FGF12: variants seen among roughly 807,000 people sequenced by gnomAD.
FGF12 encodes fibroblast growth factor 12B.
In FGF12, 14 loss-of-function variants were observed where a neutral mutation model predicts 23.6. The ratio of observed to expected loss-of-function variants is 0.59; its 90% confidence interval spans 0.39 to 0.93. The LOEUF (loss-of-function observed/expected upper bound fraction) is 0.93, where lower values mean the gene tolerates loss of function less well. Among genes scored for constraint, FGF12 ranks in the 40% least tolerant of loss-of-function variants. The pLI is 0.00. For synonymous variants in FGF12, 62 were observed against 77.3 expected, an observed-to-expected ratio of 0.80 and a Z score of 1.04; for missense variants, 175 against 217.8, an observed-to-expected ratio of 0.80 and a Z score of 1.24.
intron 2 of FGF12, among the ~76,000 whole-genome samples, chr3:192,381,965 T>C (rs946428425): frequency 6.6e-6 from 1 of 151,430 alleles, no homozygotes; most frequent in Non-Finnish European, 1.5e-5. Flanking sequence ...ATAGGACATA[T>C]AGGGAGTGTT....
chr3:192,287,595 A>G (rs1273836562), intron 4 of FGF12, among the ~76,000 whole-genome samples: 1 of 152,026 alleles, frequency 6.6e-6, no homozygotes, highest in Non-Finnish European at 1.5e-5. Flanking sequence ...CACTAACCCC[A>G]AAGTAGACTG....
intron 4 of FGF12, among the ~76,000 whole-genome samples, chr3:192,304,629 G>T (rs544968363): frequency 6.6e-6 from 1 of 151,960 alleles, no homozygotes; most frequent in Non-Finnish European, 1.5e-5. Context: ...TATAATTATC[G>T]CATATACCAT....
chr3:192,305,679 A>AAAAAAATAT lies in FGF12; in HGVS notation c.228+29681_228+29682insATATTTTTT, dbSNP rs1423738741. ...AAGGTGGCTTAGGAAAAAAAAAAAA[A>AAAAAAATAT]ATATATATATATATATAAATATATA... On this transcript the variant is annotated intron_variant, in intron 4 of 5. Transcript: ENST00000445105. 4.4e-3 allele frequency among the ~76,000 whole-genome samples: 586 copies of AAAAAAATAT among 131,890 alleles called. 3 individuals carry two copies. Among genetic ancestry groups the AAAAAAATAT allele is most frequent in the African/African-American group, 0.016 (548 of 33,900 alleles). 86.5% of individuals were successfully genotyped at this position (131,890 alleles called of 152,430 possible).
intron 4 of FGF12, among the ~76,000 whole-genome samples, chr3:192,324,172 T>C (rs1267773877): frequency 6.6e-6 from 1 of 151,974 alleles, no homozygotes; most frequent in Non-Finnish European, 1.5e-5. Context: ...CCCACAAAAC[T>C]TAAAATTAAA....
intron 2 of FGF12, among the ~76,000 whole-genome samples, chr3:192,425,238 T>C (rs1328972845): frequency 6.6e-6 from 1 of 152,194 alleles, no homozygotes; most frequent in Non-Finnish European, 1.5e-5. Flanking sequence ...ATGGACCTGA[T>C]ATTTTATGTA....
At position 192,723,808 on chromosome 3, in the gene FGF12, G is replaced by C. The variant is rs1462789758; in HGVS notation, c.13+3373C>G. ...GAGGCTGGAAATCTACCTAGACAAA[G>C]AAAAATGTGATATAGGTGGGGGTCA... On this transcript the variant is annotated intron_variant, in intron 2 of 5. Transcript: ENST00000445105. Among the ~76,000 whole-genome samples, 6 of 148,966 alleles carry C rather than the reference G, an allele frequency of 4.0e-5. No homozygotes were observed. The East Asian group carries it at 1.2e-3, about 30-fold the overall frequency.
intron 4 of FGF12, among the ~76,000 whole-genome samples, chr3:192,315,716 G>C (rs552752517): frequency 6.6e-6 from 1 of 152,280 alleles, no homozygotes; most frequent in African/African-American, 2.4e-5. Flanking sequence ...GCAAGAGAAA[G>C]CAGAACTAAT....
Position 192,621,452 on chromosome 3 carries a change from T to C in FGF12, c.13+105729A>G, listed in dbSNP as rs555952453. Among the ~76,000 whole-genome samples, 8 of 152,220 alleles carry C rather than the reference T, an allele frequency of 5.3e-5. No homozygotes were observed. In the East Asian group the frequency reaches 1.4e-3, roughly 26 times the overall value. On this transcript the variant is annotated intron_variant, in intron 2 of 5. Transcript: ENST00000445105. ...CGACAAGAGCCATTTGGAATTGAAG[T>C]TCTGCCACTGTGATCTTAGAGAAAA... is the stretch of plus-strand genomic sequence containing the variant.
At chr3:192,218,600 C>T (rs1333391682) in intron 4 of FGF12, among the ~76,000 whole-genome samples, 2 of 152,088 alleles carry the variant, frequency 1.3e-5, no homozygotes, top group Non-Finnish European at 2.9e-5. Flanking sequence ...TGAGGCCTCC[C>T]CAGAAGGAGA....
intron 2 of FGF12, among the ~76,000 whole-genome samples, chr3:192,589,267 G>A (rs1263873235): frequency 3.3e-5 from 5 of 149,606 alleles, no homozygotes; most frequent in Admixed American, 2.0e-4. Context: ...CCCAGGAGGC[G>A]AAGTTTGCAG....
chr3:192,627,788 T>C (rs549601543), intron 2 of FGF12, among the ~76,000 whole-genome samples: 1 of 152,232 alleles, frequency 6.6e-6, no homozygotes, highest in South Asian at 2.1e-4. Flanking sequence ...ACAGTCTTAC[T>C]ACCAAGATAT....
rs924681317 is a variant in FGF12 at position 192,158,493 on chromosome 3, C to CCTCTCTCT, written c.427+11957_427+11964dup. 4.9e-3 allele frequency among the ~76,000 whole-genome samples: 708 copies of CCTCTCTCT among 145,898 alleles called. 13 individuals carry two copies. The highest frequency in any genetic ancestry group is 0.017 in the African/African-American group (659 of 38,228). On this transcript the variant is annotated intron_variant, in intron 5 of 5. Coordinates refer to ENST00000445105, the MANE Select transcript of FGF12 (RefSeq NM_004113.6). ...CTCTTTGTCTCTCTCTCCCTTCCTTCCTCTCTCTTTCCTTTTTCTTTCTTC... is the reference window on the plus strand; with the variant it reads ...CTCTTTGTCTCTCTCTCCCTTCCTTCCTCTCTCTCTCTCTCTTTCCTTTTTCTTTCTTC...
intron 2 of FGF12, among the ~76,000 whole-genome samples, chr3:192,632,844 T>C (rs1244661602): frequency 6.6e-6 from 1 of 152,114 alleles, no homozygotes; most frequent in Non-Finnish European, 1.5e-5. Context: ...GCCAGAACTC[T>C]GAAATCAACG....
chr3:192,359,490 C>T (rs913017447), intron 3 of FGF12, among the ~76,000 whole-genome samples: 1 of 152,112 alleles, frequency 6.6e-6, no homozygotes, highest in Non-Finnish European at 1.5e-5. Flanking sequence ...GTGCTCAACA[C>T]TAAAGATCTA....
At chr3:192,186,463 T>C (rs1021849020) in intron 4 of FGF12, among the ~76,000 whole-genome samples, 3 of 152,212 alleles carry the variant, frequency 2.0e-5, no homozygotes, top group African/African-American at 7.2e-5. Context: ...ATAGTAAGCC[T>C]ACTAGAAAGA....
chr3:192,627,830 G>C (rs1577086478), intron 2 of FGF12, among the ~76,000 whole-genome samples: 1 of 151,516 alleles, frequency 6.6e-6, no homozygotes, highest in Non-Finnish European at 1.5e-5. Context: ...ACCTCAGTTT[G>C]ACTTGTACTC....
chr3:192,623,115 G>C (rs6444653), intron 2 of FGF12, among the ~76,000 whole-genome samples: 9,118 of 152,182 alleles, frequency 0.06, 925 homozygotes, highest in African/African-American at 0.21. Flanking sequence ...CCTGCTAGAG[G>C]TTATGGTAGA....
intron 2 of FGF12, among the ~76,000 whole-genome samples, chr3:192,425,681 C>A (rs1196507329): frequency 1.3e-5 from 2 of 152,030 alleles, no homozygotes; most frequent in African/African-American, 2.4e-5. Context: ...AAATCACTAG[C>A]GAATAGAATG....
intron 2 of FGF12, among the ~76,000 whole-genome samples, chr3:192,462,225 TTTGAGTATACCCTC>T (rs1219571109): frequency 2.0e-5 from 3 of 152,088 alleles, no homozygotes; most frequent in African/African-American, 7.2e-5. Context: ...ATTATTATGG[TTTGAGTATACCCTC>T]CAAAACTCAT....
Sources: allele counts gnomAD v4.1 joint callset (sites outside exome capture counted in the v4.1 genomes callset), GRCh38; gene constraint gnomAD v4.1.1; transcripts MANE v1.5; gene names NCBI Gene and HGNC (gene_info 2026-07-23, HGNC 2026-07-21).